Variants in GRIN2A observed in about 807,000 individuals in gnomAD.
GRIN2A encodes glutamate receptor ionotropic, NMDA 2A.
GRIN2A carries 22 observed loss-of-function variants against 113.4 expected under a neutral mutation model. That is an observed-to-expected ratio of 0.19 (90% confidence interval 0.14 to 0.28). The LOEUF is 0.28. Among genes scored for constraint, GRIN2A ranks in the 10% least tolerant of loss-of-function variants. GRIN2A has a pLI of 1.00. For synonymous variants in GRIN2A, 827 were observed against 738.4 expected, an observed-to-expected ratio of 1.12 and a Z score of -1.94; for missense variants, 1,502 against 1,887.0, an observed-to-expected ratio of 0.80 and a Z score of 3.78.
chr16:9,949,388 G>C (rs1428983198), intron 2 of GRIN2A, among the ~76,000 whole-genome samples: 1 of 152,042 alleles, frequency 6.6e-6, no homozygotes, highest in Non-Finnish European at 1.5e-5. Context: ...ACAGATGGAT[G>C]GATGGATGGT....
intron 2 of GRIN2A, among the ~76,000 whole-genome samples, chr16:9,963,160 C>T (rs575538356): frequency 1.7e-4 from 25 of 149,248 alleles, no homozygotes; most frequent in African/African-American, 6.1e-4. Context: ...AGGAGATATA[C>T]CTAATGCTAA....
intron 2 of GRIN2A, among the ~76,000 whole-genome samples, chr16:9,949,812 T>G (rs1407164724): frequency 6.6e-6 from 1 of 152,010 alleles, no homozygotes; most frequent in African/African-American, 2.4e-5. Context: ...ACATGAGTTG[T>G]GGGTATAAGA....
chr16:9,881,577 A>T (rs2043481630), intron 4 of GRIN2A, among the ~76,000 whole-genome samples: 1 of 152,200 alleles, frequency 6.6e-6, no homozygotes, highest in African/African-American at 2.4e-5. Context: ...CCAAGGAACT[A>T]CACGTATAAA....
At chr16:10,032,480 G>C (rs2046948076) in intron 2 of GRIN2A, among the ~76,000 whole-genome samples, 1 of 152,076 alleles carries the variant, frequency 6.6e-6, no homozygotes. Context: ...ATTATGAAAA[G>C]TCAGTATCTC....
At chr16:10,001,101 C>T (rs1157134631) in intron 2 of GRIN2A, among the ~76,000 whole-genome samples, 5 of 152,172 alleles carry the variant, frequency 3.3e-5, no homozygotes, top group Non-Finnish European at 5.9e-5. Context: ...CCCAATTGTC[C>T]TGGGCAAGTT....
At chr16:9,828,359 C>A (rs1182075580) in intron 9 of GRIN2A, among the ~76,000 whole-genome samples, 1 of 152,154 alleles carries the variant, frequency 6.6e-6, no homozygotes, top group Admixed American at 6.5e-5. Flanking sequence ...TAACCCCAAC[C>A]CCTCATCAGC....
intron 2 of GRIN2A, among the ~76,000 whole-genome samples, chr16:10,144,944 A>G (rs2049407375): frequency 7.0e-6 from 1 of 143,664 alleles, no homozygotes; most frequent in South Asian, 2.2e-4. Context: ...AAAAAAAGAG[A>G]GATGAATGAA....
At chr16:9,942,175 C>T (rs1197985810) in intron 2 of GRIN2A, among the ~76,000 whole-genome samples, 1 of 152,184 alleles carries the variant, frequency 6.6e-6, no homozygotes, top group East Asian at 1.9e-4. Context: ...CTGTTCAGAG[C>T]TGCCTGGTTG....
At chr16:9,788,883 C>T (rs1902416603) in intron 11 of GRIN2A, among the ~76,000 whole-genome samples, 1 of 151,924 alleles carries the variant, frequency 6.6e-6, no homozygotes, top group Non-Finnish European at 1.5e-5. Flanking sequence ...GCTGGGACTA[C>T]AGGCACCCAC....
intron 2 of GRIN2A, among the ~76,000 whole-genome samples, chr16:10,160,319 A>G (rs372241581): frequency 2.1e-4 from 32 of 152,356 alleles, no homozygotes; most frequent in African/African-American, 7.0e-4. Context: ...CCCCAAACCA[A>G]GAGAACAGGA....
At chr16:10,124,407 T>C (rs1478662062) in intron 2 of GRIN2A, among the ~76,000 whole-genome samples, 1 of 152,184 alleles carries the variant, frequency 6.6e-6, no homozygotes, top group Non-Finnish European at 1.5e-5. Flanking sequence ...ATGCTTGTAA[T>C]CAAAATCCTA....
In GRIN2A at chr16:9,764,779, G is replaced by C. The variant is rs200037904; in HGVS notation, c.2765C>G (p.Ala922Gly). The C allele has an allele frequency of 2.5e-6, 4 of 1,614,210 alleles. No individual in the cohort carries two copies. The highest frequency in any genetic ancestry group is 1.1e-5 in the South Asian group (1 of 91,084). The change falls in exon 13 of 13, where the codon GCT (alanine) becomes GGT (glycine). Residue 922 changes from alanine (A) to glycine (G), a missense_variant. Transcript: ENST00000330684. ...GAGGGAACCTCTTTGGATGAAGTCA[G>C]CAGCTCTTTTGGGTGAGTCCATTCT... ...SSRMDSPKRAADFIQRGSLIM... is the reference protein window; with the variant it reads ...SSRMDSPKRAGDFIQRGSLIM...
At chr16:10,076,745 G>A (rs1423826822) in intron 2 of GRIN2A, among the ~76,000 whole-genome samples, 2 of 152,184 alleles carry the variant, frequency 1.3e-5, no homozygotes, top group Non-Finnish European at 2.9e-5. Context: ...AGAGCACTGT[G>A]AACATTCCAT....
intron 2 of GRIN2A, among the ~76,000 whole-genome samples, chr16:9,942,198 C>T (rs1216127230): frequency 6.6e-6 from 1 of 152,140 alleles, no homozygotes; most frequent in Non-Finnish European, 1.5e-5. Flanking sequence ...ACTCTTAAAG[C>T]ACCCCTTTAA....
At chr16:10,102,152 T>A (rs2048412154) in intron 2 of GRIN2A, among the ~76,000 whole-genome samples, 1 of 152,190 alleles carries the variant, frequency 6.6e-6, no homozygotes. Context: ...GGGTGTTTGT[T>A]CCCTCCAAAC....
At chr16:10,142,590 T>C (rs527976455) in intron 2 of GRIN2A, among the ~76,000 whole-genome samples, 19 of 152,264 alleles carry the variant, frequency 1.2e-4, no homozygotes, top group African/African-American at 4.3e-4. Flanking sequence ...TCTCTGCTAC[T>C]CAGGAGGCTG....
At chr16:9,795,220 C>G (rs1243007452) in intron 11 of GRIN2A, among the ~76,000 whole-genome samples, 1 of 152,080 alleles carries the variant, frequency 6.6e-6, no homozygotes, top group African/African-American at 2.4e-5. Context: ...TCATAAAGAC[C>G]ATGCTGAGAG....
intron 9 of GRIN2A, among the ~76,000 whole-genome samples, chr16:9,829,192 G>A (rs935836637): frequency 6.6e-6 from 1 of 152,236 alleles, no homozygotes; most frequent in Non-Finnish European, 1.5e-5. Flanking sequence ...ACTCGGGGAA[G>A]CCAGGCTTCC....
intron 2 of GRIN2A, among the ~76,000 whole-genome samples, chr16:9,961,628 G>A (rs1242877416): frequency 6.6e-6 from 1 of 152,200 alleles, no homozygotes; most frequent in African/African-American, 2.4e-5. Context: ...ATGTATCTAT[G>A]TAATAAAACT....
Sources: allele counts gnomAD v4.1 joint callset (sites outside exome capture counted in the v4.1 genomes callset), GRCh38; gene constraint gnomAD v4.1.1; transcripts MANE v1.5; gene names NCBI Gene and HGNC (gene_info 2026-07-23, HGNC 2026-07-21).